ZFAT: variants seen among roughly 807,000 people sequenced by gnomAD.
The protein encoded by ZFAT is zinc finger protein ZFAT.
In ZFAT, 64 loss-of-function variants were observed where a neutral mutation model predicts 117.7. The ratio of observed to expected loss-of-function variants is 0.54; its 90% CI spans 0.44 to 0.67. ZFAT has a LOEUF of 0.67. ZFAT is among the 30% of genes least tolerant of loss of function. The pLI, the probability that ZFAT is intolerant of heterozygous loss-of-function variation, is 0.00. For missense variants in ZFAT, 1,433 were observed against 1,584.5 expected, an observed-to-expected ratio of 0.90 and a Z score of 1.62; for synonymous variants, 679 against 615.0, an observed-to-expected ratio of 1.10 and a Z score of -1.54.
chr8:134,509,694 G>A lies in ZFAT; in HGVS notation c.3417C>T (p.Gly1139=), dbSNP rs370593589. The A allele has an allele frequency of 2.0e-4, 329 of 1,612,252 alleles. 2 individuals carry two copies. Among genetic ancestry groups the A allele is most frequent in the South Asian group, 2.0e-3 (178 of 91,012 alleles). ...GGGCAGTGGCGTCATGGGTCTCGGC[G>A]CCCAGCTCAATGATCTGCTGCAGGA... ...VNILQQIIEL[G]AETHDATALA... The change falls in exon 15 of 16, where the codon GGC becomes GGT. Residue 1139 remains glycine (G), a synonymous_variant. Coordinates refer to ENST00000377838, the MANE Select transcript of ZFAT (RefSeq NM_020863.4).
chr8:134,556,346 A>C (rs968669492), intron 11 of ZFAT, among the ~76,000 whole-genome samples: 4 of 152,136 alleles, frequency 2.6e-5, no homozygotes, highest in African/African-American at 9.7e-5. Context: ...GTATTAATAC[A>C]TATGTGTTAA....
the ZFAT span, among the ~76,000 whole-genome samples, chr8:134,808,776 C>G: frequency 6.6e-6 from 1 of 152,300 alleles, no homozygotes. Flanking sequence ...GAGAAGTAGG[C>G]AAGATGGGTA....
At chr8:134,682,666 A>AAAATT (rs1833127000) in intron 1 of ZFAT, among the ~76,000 whole-genome samples, 1 of 152,138 alleles carries the variant, frequency 6.6e-6, no homozygotes, top group Non-Finnish European at 1.5e-5. Context: ...AAAATAAAAT[A>AAAATT]AAATTAAATT....
chr8:134,725,483 C>T, the ZFAT span, among the ~76,000 whole-genome samples: 5 of 151,968 alleles, frequency 3.3e-5, no homozygotes, highest in East Asian at 1.9e-4. Flanking sequence ...AAGAGAGGGA[C>T]GGGGAGAGGT....
chr8:134,760,281 A>AC, the ZFAT span, among the ~76,000 whole-genome samples: 1,092 of 128,740 alleles, frequency 8.5e-3, 8 homozygotes, highest in East Asian at 0.013. Context: ...AAGAAAAAAA[A>AC]AAAAAAACAA....
chr8:134,682,548 G>A, intron 1 of ZFAT, among the ~76,000 whole-genome samples: 1 of 152,198 alleles, frequency 6.6e-6, no homozygotes, highest in South Asian at 2.1e-4. Context: ...ACAGCTACTG[G>A]GGAGGCTGAG....
At chr8:134,737,674 G>C in the ZFAT span, among the ~76,000 whole-genome samples, 1 of 152,188 alleles carries the variant, frequency 6.6e-6, no homozygotes, top group Non-Finnish European at 1.5e-5. Flanking sequence ...ACCCTGACTC[G>C]GATAGTGAGG....
At chr8:134,660,551 A>C (rs1217549349) in intron 1 of ZFAT, among the ~76,000 whole-genome samples, 1 of 152,260 alleles carries the variant, frequency 6.6e-6, no homozygotes, top group Non-Finnish European at 1.5e-5. Flanking sequence ...CTGAACAGAT[A>C]GACATGTCAC....
chr8:134,821,901 C>A, the ZFAT span, among the ~76,000 whole-genome samples: 1 of 152,046 alleles, frequency 6.6e-6, no homozygotes, highest in East Asian at 1.9e-4. Context: ...TAAATAACAA[C>A]AACAAGGAAA....
At chr8:134,600,711 G>T in intron 6 of ZFAT, 43 bp from the exon 7 acceptor site, 1 of 1,441,008 alleles carries the variant, frequency 6.9e-7, no homozygotes, top group South Asian at 1.5e-5. Context: ...GTTTCATTTT[G>T]ACTGATTTTG....
intron 2 of ZFAT, chr8:134,639,800 G>C: frequency 2.2e-6 from 1 of 456,278 alleles, no homozygotes; most frequent in Admixed American, 2.3e-5. Flanking sequence ...CTGAGTTCCA[G>C]AAACAGGGTG....
the ZFAT span, among the ~76,000 whole-genome samples, chr8:134,779,070 A>G: frequency 7.2e-5 from 11 of 152,158 alleles, no homozygotes; most frequent in African/African-American, 2.4e-4. Flanking sequence ...ACTATAAGAA[A>G]TATTTGAAAA....
chr8:134,588,529 A>G, intron 8 of ZFAT, 134 bp from the exon 9 acceptor site: 1 of 984,606 alleles, frequency 1.0e-6, no homozygotes, highest in Non-Finnish European at 1.4e-6. Flanking sequence ...CAGGATTTTC[A>G]CCTAAAAAGT....
chr8:134,619,224 T>A (rs921349794), intron 3 of ZFAT, among the ~76,000 whole-genome samples: 2 of 152,010 alleles, frequency 1.3e-5, no homozygotes, highest in African/African-American at 2.4e-5. Flanking sequence ...GGCAAAACCA[T>A]TTCACACAAA....
At chr8:134,512,381 C>T (rs1819917284) in intron 14 of ZFAT, 94 bp downstream of exon 14, 3 of 1,518,660 alleles carry the variant, frequency 2.0e-6, no homozygotes, top group Non-Finnish European at 2.7e-6. Context: ...GGAAGTAGAT[C>T]ACCTGATGGA....
intron 1 of ZFAT, among the ~76,000 whole-genome samples, chr8:134,689,161 C>G (rs962471816): frequency 2.6e-5 from 4 of 152,226 alleles, no homozygotes; most frequent in Non-Finnish European, 5.9e-5. Context: ...AACAGTTTAC[C>G]ACTGCAATGG....
At chr8:134,567,621 G>T (rs546079189) in intron 10 of ZFAT, among the ~76,000 whole-genome samples, 1 of 152,238 alleles carries the variant, frequency 6.6e-6, no homozygotes, top group East Asian at 1.9e-4. Context: ...CCCAACTTCA[G>T]AGCAAAGTTG....
At chr8:134,529,690 G>A (rs551769034) in intron 12 of ZFAT, among the ~76,000 whole-genome samples, 4 of 152,282 alleles carry the variant, frequency 2.6e-5, no homozygotes, top group East Asian at 3.9e-4. Flanking sequence ...ACCAAGATAC[G>A]CAAGCTCATA....
chr8:134,509,734 G>C lies in ZFAT; in HGVS notation c.3377C>G (p.Pro1126Arg). 6.2e-7 allele frequency: 1 copy of C among 1,606,570 alleles called. No homozygotes were observed. The highest frequency in any genetic ancestry group is 8.5e-7 in the Non-Finnish European group (1 of 1,177,552). ...YTSESGDRLD[P>R]TAVNILQQII... The stretch of plus-strand genomic sequence containing the variant: ...CTGCTGCAGGATGTTCACGGCCGTG[G>C]GGTCCAGTCGGTCGCCTTAAGAGGA... Residue 1126 changes from proline to arginine, a missense_variant, in exon 15 of 16, where the codon CCC (proline) becomes CGC (arginine). Pro to Arg is a moderately radical substitution (Grantham distance 103, BLOSUM62 -2). Coordinates refer to ENST00000377838, the MANE Select transcript of ZFAT (RefSeq NM_020863.4).
Sources: allele counts gnomAD v4.1 joint callset (sites outside exome capture counted in the v4.1 genomes callset), GRCh38; gene constraint gnomAD v4.1.1; transcripts MANE v1.5; gene names NCBI Gene and HGNC (gene_info 2026-07-23, HGNC 2026-07-21).